The following BAZ2B variants were observed in gnomAD, a reference collection of about 807,000 sequenced individuals.
The protein encoded by BAZ2B is bromodomain adjacent to zinc finger domain protein 2B.
A neutral mutation model predicts 246.0 loss-of-function variants in BAZ2B; 91 were observed. The observed-to-expected ratio is 0.37, with a 90% CI of 0.31 to 0.44. The LOEUF (loss-of-function observed/expected upper bound fraction) is 0.44, where lower values mean the gene tolerates loss of function less well. BAZ2B is among the 20% of genes least tolerant of loss of function. The pLI, the probability that BAZ2B is intolerant of heterozygous loss-of-function variation, is 1.00. For missense variants in BAZ2B, 2,332 were observed against 2,533.7 expected, an observed-to-expected ratio of 0.92 and a Z score of 1.71; for synonymous variants, 855 against 860.0, an observed-to-expected ratio of 0.99 and a Z score of 0.10.
intron 1 of BAZ2B, among the ~76,000 whole-genome samples, chr2:159,586,572 T>C (rs1012622133): frequency 2.0e-5 from 3 of 152,154 alleles, no homozygotes; most frequent in African/African-American, 4.8e-5. Context: ...CTGTATACAC[T>C]GATATAAATG....
the BAZ2B span, among the ~76,000 whole-genome samples, chr2:159,678,954 G>A: frequency 6.6e-6 from 1 of 152,250 alleles, no homozygotes; most frequent in South Asian, 2.1e-4. Context: ...TTTCTATGCT[G>A]CATGACTTTG....
Position 159,608,916 on chromosome 2 carries a change from A to G in BAZ2B, c.-46+7326T>C, listed in dbSNP as rs1694113670. 2.0e-5 allele frequency among the ~76,000 whole-genome samples: 3 copies of G among 152,202 alleles called. No homozygotes were observed. The South Asian group carries it at 6.2e-4, about 32-fold the overall frequency. ...ACTGGTACTCAACCTTGAAGTGCTG[A>G]GAGCTACTTCATCATCTAGTGTGGG... is the stretch of plus-strand genomic sequence containing the variant. On this transcript the variant is annotated intron_variant, in intron 1 of 36. Transcript: ENST00000392783.
chr2:159,352,482 A>G (rs898656011), intron 27 of BAZ2B, among the ~76,000 whole-genome samples: 24 of 150,346 alleles, frequency 1.6e-4, no homozygotes, highest in African/African-American at 4.9e-4. Context: ...AGCAATGTCT[A>G]TATCTTTTTT....
chr2:159,688,027 A>G, the BAZ2B span, among the ~76,000 whole-genome samples: 1 of 152,168 alleles, frequency 6.6e-6, no homozygotes, highest in African/African-American at 2.4e-5. Flanking sequence ...TTATAAAGTA[A>G]AAGTTTATTT....
At chr2:159,635,412 C>T in the BAZ2B span, among the ~76,000 whole-genome samples, 4 of 151,876 alleles carry the variant, frequency 2.6e-5, no homozygotes, top group Admixed American at 6.6e-5. Context: ...CTCCATAAAT[C>T]GATTCCTCTA....
chr2:159,535,722 C>T (rs536378550), intron 2 of BAZ2B, among the ~76,000 whole-genome samples: 1 of 152,128 alleles, frequency 6.6e-6, no homozygotes, highest in African/African-American at 2.4e-5. Context: ...ATAATGAACC[C>T]CAGCTCTCTT....
At chr2:159,610,325 A>G (rs935926797) in intron 1 of BAZ2B, among the ~76,000 whole-genome samples, 1 of 152,146 alleles carries the variant, frequency 6.6e-6, no homozygotes, top group Non-Finnish European at 1.5e-5. Flanking sequence ...TACAGTATTA[A>G]CCTCTAGGGT....
chr2:159,459,133 T>C (rs1410233348), intron 3 of BAZ2B: 1 of 152,210 alleles, frequency 6.6e-6, no homozygotes, highest in Admixed American at 6.5e-5. Flanking sequence ...GACAGTTATA[T>C]TTGGGGCCTC....
At chr2:159,599,309 C>G (rs1245165168) in intron 1 of BAZ2B, among the ~76,000 whole-genome samples, 1 of 152,056 alleles carries the variant, frequency 6.6e-6, no homozygotes, top group Non-Finnish European at 1.5e-5. Flanking sequence ...TTCTGGCAGG[C>G]CACACAAACT....
At chr2:159,393,999 A>G in intron 20 of BAZ2B, among the ~76,000 whole-genome samples, 1 of 151,876 alleles carries the variant, frequency 6.6e-6, no homozygotes, top group Non-Finnish European at 1.5e-5. Flanking sequence ...CATTCTTACT[A>G]TTTTACTGGA....
the BAZ2B span, among the ~76,000 whole-genome samples, chr2:159,706,848 C>T: frequency 2.0e-3 from 310 of 152,286 alleles, 4 homozygotes; most frequent in Non-Finnish European, 2.3e-3. Flanking sequence ...TGGTTAATAT[C>T]TACAATCTGT....
the BAZ2B span, among the ~76,000 whole-genome samples, chr2:159,631,489 G>A: frequency 2.0e-5 from 3 of 152,064 alleles, no homozygotes; most frequent in South Asian, 2.1e-4. Context: ...CCATATTTGG[G>A]TCAAGAAATA....
At chr2:159,586,440 C>T (rs1688024292) in intron 1 of BAZ2B, among the ~76,000 whole-genome samples, 1 of 152,102 alleles carries the variant, frequency 6.6e-6, no homozygotes, top group Non-Finnish European at 1.5e-5. Flanking sequence ...ACTAACCTTG[C>T]TACCAAGCTA....
chr2:159,580,380 G>T (rs1454314603), intron 1 of BAZ2B, among the ~76,000 whole-genome samples: 1 of 152,118 alleles, frequency 6.6e-6, no homozygotes. Flanking sequence ...ACCTCTTCAA[G>T]GAGAACTACA....
the BAZ2B span, among the ~76,000 whole-genome samples, chr2:159,651,802 T>A: frequency 6.6e-6 from 1 of 152,188 alleles, no homozygotes. Flanking sequence ...ATAAAATATG[T>A]GGTCTTTTGT....
chr2:159,591,183 A>G (rs751268696), intron 1 of BAZ2B, among the ~76,000 whole-genome samples: 18 of 152,258 alleles, frequency 1.2e-4, no homozygotes, highest in Non-Finnish European at 2.2e-4. Flanking sequence ...ACCATTACAC[A>G]GAAATGAACA....
intron 21 of BAZ2B, among the ~76,000 whole-genome samples, chr2:159,389,093 ACAACCAAC>A (rs113993624): frequency 4.6e-4 from 68 of 148,998 alleles, no homozygotes; most frequent in African/African-American, 1.2e-3. Flanking sequence ...CTGTCTGAAA[ACAACCAAC>A]CAACCAACCA....
At chr2:159,428,549 C>T (rs57144725) in intron 11 of BAZ2B, 130 bp from the exon 12 acceptor site, 207,629 of 545,928 alleles carry the variant, frequency 0.38, 43,624 homozygotes, top group Non-Finnish European at 0.46. Context: ...ACTCCTCAAA[C>T]AACCCAAATA....
intron 26 of BAZ2B, among the ~76,000 whole-genome samples, chr2:159,374,185 C>T (rs2149422216): frequency 6.6e-6 from 1 of 151,076 alleles, no homozygotes; most frequent in African/African-American, 2.4e-5. Context: ...GCTGGGATTA[C>T]AGGCGTAAAC....
Sources: allele counts gnomAD v4.1 joint callset (sites outside exome capture counted in the v4.1 genomes callset), GRCh38; gene constraint gnomAD v4.1.1; transcripts MANE v1.5; gene names NCBI Gene and HGNC (gene_info 2026-07-23, HGNC 2026-07-21).